The following PLS1 variants were observed in gnomAD, a reference collection of about 807,000 sequenced individuals.
The protein encoded by PLS1 is plastin-1.
A neutral mutation model predicts 73.7 loss-of-function variants in PLS1; 32 were observed. The ratio of observed to expected loss-of-function variants is 0.43; its 90% CI spans 0.33 to 0.58. The LOEUF (loss-of-function observed/expected upper bound fraction) is 0.58, where lower values mean the gene tolerates loss of function less well. Among genes scored for constraint, PLS1 ranks in the 20% least tolerant of loss-of-function variants. The probability of loss-of-function intolerance (pLI) is 0.04; values close to 1 mark genes in which losing one functional copy is unlikely to be tolerated. For synonymous variants in PLS1, 217 were observed against 261.3 expected, an observed-to-expected ratio of 0.83 and a Z score of 1.63; for missense variants, 633 against 740.5, an observed-to-expected ratio of 0.85 and a Z score of 1.68.
intron 14 of PLS1, among the ~76,000 whole-genome samples, chr3:142,710,473 A>C (rs546239695): frequency 6.6e-6 from 1 of 152,262 alleles, no homozygotes; most frequent in East Asian, 1.9e-4. Context: ...TGAAATTTTA[A>C]TGCAGAGATA....
chr3:142,685,929 G>A (rs2037956004), intron 8 of PLS1, among the ~76,000 whole-genome samples: 1 of 152,170 alleles, frequency 6.6e-6, no homozygotes, highest in African/African-American at 2.4e-5. Context: ...CTACAGAAGA[G>A]GGGTTCTTAG....
chr3:142,600,893 TA>T (rs869116125), intron 1 of PLS1, among the ~76,000 whole-genome samples: 4 of 25,650 alleles, frequency 1.6e-4, no homozygotes, highest in Admixed American at 4.8e-4. Flanking sequence ...TATATATATA[TA>T]TATATATATA....
intron 1 of PLS1, among the ~76,000 whole-genome samples, chr3:142,654,163 C>T (rs909205575): frequency 1.3e-5 from 2 of 151,958 alleles, no homozygotes; most frequent in East Asian, 1.9e-4. Flanking sequence ...GGTGGCGGCC[C>T]GTGTGGTGAG....
At chr3:142,620,193 C>T (rs774254798) in intron 1 of PLS1, among the ~76,000 whole-genome samples, 1 of 151,794 alleles carries the variant, frequency 6.6e-6, no homozygotes, top group Non-Finnish European at 1.5e-5. Context: ...GGCACGATCT[C>T]GGCTCACTGC....
chr3:142,694,380 G>T, intron 10 of PLS1, 89 bp from the exon 11 acceptor site: 1 of 673,904 alleles, frequency 1.5e-6, no homozygotes, highest in South Asian at 2.4e-5. Context: ...AGGTAGGTTT[G>T]ACCAGTTTGT....
chr3:142,617,572 A>C (rs1465850187), intron 1 of PLS1, among the ~76,000 whole-genome samples: 1 of 152,202 alleles, frequency 6.6e-6, no homozygotes, highest in East Asian at 1.9e-4. Flanking sequence ...TTTAGATCTC[A>C]TTCAGATTCC....
intron 1 of PLS1, among the ~76,000 whole-genome samples, chr3:142,638,221 C>G (rs573781665): frequency 2.8e-4 from 42 of 152,310 alleles, no homozygotes; most frequent in African/African-American, 1.0e-3. Context: ...CCTGACAACG[C>G]TATGAGATAG....
chr3:142,664,839 T>C (rs2037443975), intron 2 of PLS1, among the ~76,000 whole-genome samples: 1 of 152,260 alleles, frequency 6.6e-6, no homozygotes, highest in Admixed American at 6.5e-5. Flanking sequence ...TTTAGTGTTT[T>C]GTCTTTATGA....
At chr3:142,686,474 A>G (rs2037968518) in intron 9 of PLS1, 98 bp downstream of exon 9, 1 of 758,598 alleles carries the variant, frequency 1.3e-6, no homozygotes, top group African/African-American at 1.7e-5. Flanking sequence ...AGTGGCATTC[A>G]GTACATTTGC....
chr3:142,664,863 A>G (rs2037444678), intron 2 of PLS1, among the ~76,000 whole-genome samples: 1 of 151,892 alleles, frequency 6.6e-6, no homozygotes, highest in African/African-American at 2.4e-5. Flanking sequence ...TATCATTTTG[A>G]CAGTTTTGTA....
At chr3:142,695,123 C>T (rs1190537890) in intron 11 of PLS1, among the ~76,000 whole-genome samples, 4 of 151,130 alleles carry the variant, frequency 2.6e-5, no homozygotes, top group Admixed American at 6.6e-5. Context: ...ATTCTTCTCT[C>T]TTTATTATAC....
At chr3:142,697,910 C>T (rs760028243) in intron 11 of PLS1, 43 bp from the exon 12 acceptor site, 2 of 1,114,606 alleles carry the variant, frequency 1.8e-6, no homozygotes. Flanking sequence ...AGGTAATACC[C>T]AACATTTCCT....
At position 142,664,186 on chromosome 3, in the gene PLS1, A is replaced by T; in HGVS notation, c.-36-16A>T. 2.0e-6 allele frequency: 2 copies of T among 982,984 alleles called. No individual in the cohort carries two copies. Among genetic ancestry groups the T allele is most frequent in the Non-Finnish European group, 3.1e-6 (2 of 636,126 alleles). 60.9% of individuals were successfully genotyped at this position (982,984 alleles called of 1,614,324 possible). On this transcript the variant is annotated splice_polypyrimidine_tract_variant and intron_variant, in intron 1 of 15. Coordinates refer to ENST00000457734, the MANE Select transcript of PLS1 (RefSeq NM_001145319.2). The stretch of plus-strand genomic sequence containing the variant: ...CCAAAGGCTTCATGCTTTTTTTATA[A>T]TATTGCTTTTTCTAGATATAAAGAC...
Position 142,678,119 on chromosome 3 carries a change from T to C in PLS1, c.579+6T>C, listed in dbSNP as rs2037761874. ...TCACGCCATTCACTATTTCTGTAAGTATTTGCCCTTTGCTTATTATCATGT... is the reference window on the plus strand; with the variant it reads ...TCACGCCATTCACTATTTCTGTAAGCATTTGCCCTTTGCTTATTATCATGT... On this transcript the variant is annotated splice_donor_region_variant and intron_variant, in intron 6 of 15. Coordinates refer to ENST00000457734, the MANE Select transcript of PLS1 (RefSeq NM_001145319.2). 7.0e-7 allele frequency: 1 copy of C among 1,426,504 alleles called. No homozygotes were observed. Among genetic ancestry groups the C allele is most frequent in the East Asian group, 2.5e-5 (1 of 39,734 alleles). 88.4% of individuals were successfully genotyped at this position (1,426,504 alleles called of 1,614,324 possible).
intron 9 of PLS1, among the ~76,000 whole-genome samples, chr3:142,689,345 C>G (rs913665889): frequency 2.0e-5 from 3 of 151,912 alleles, no homozygotes; most frequent in African/African-American, 7.3e-5. Context: ...ATCACTTGAA[C>G]CTAAGAGGCA....
In PLS1 at chr3:142,711,987, G is replaced by A; in HGVS notation, c.1870G>A (p.Gly624Arg). The A allele has an allele frequency of 6.2e-7, 1 of 1,613,288 alleles. No homozygotes were observed. The highest frequency in any genetic ancestry group is 1.3e-5 in the African/African-American group (1 of 75,024). Reference sequence around the variant, plus strand: ...GGTGTTTGCATGCTTAATGGGAAAAGGACTGAACAGAATAAAATAATCATT... The same window carrying A: ...GGTGTTTGCATGCTTAATGGGAAAAAGACTGAACAGAATAAAATAATCATT... ...MTVFACLMGK[G>R]LNRIK Residue 624 changes from glycine to arginine, a missense_variant, in exon 16 of 16, where the codon GGA (glycine) becomes AGA (arginine). Physicochemically the swap from Gly to Arg is moderately radical, Grantham distance 125. Transcript: ENST00000457734.
intron 1 of PLS1, among the ~76,000 whole-genome samples, chr3:142,647,022 C>T (rs367722340): frequency 5.3e-5 from 8 of 152,092 alleles, no homozygotes; most frequent in African/African-American, 9.6e-5. Context: ...TTGACCTATT[C>T]GGGTGGAAAA....
intron 1 of PLS1, among the ~76,000 whole-genome samples, chr3:142,650,077 A>C (rs1267031683): frequency 6.6e-6 from 1 of 151,602 alleles, no homozygotes; most frequent in Non-Finnish European, 1.5e-5. Flanking sequence ...CTTTTAATAA[A>C]TTGTTTTGAG....
At chr3:142,689,136 A>C (rs1051328489) in intron 9 of PLS1, among the ~76,000 whole-genome samples, 11 of 152,142 alleles carry the variant, frequency 7.2e-5, no homozygotes, top group Admixed American at 1.3e-4. Flanking sequence ...TTTCCTTTTA[A>C]CTTAAAAGGC....
Sources: gnomAD v4.1 joint callset for allele counts (sites outside exome capture counted in the v4.1 genomes callset) on GRCh38, gnomAD v4.1.1 for gene constraint, MANE v1.5 for transcripts, NCBI Gene and HGNC (gene_info 2026-07-23, HGNC 2026-07-21) for gene names.